The following CACNA1G variants were observed in gnomAD, a reference collection of about 807,000 sequenced individuals.
CACNA1G encodes calcium voltage-gated channel subunit alpha1 G.
Under a neutral mutation model 219.4 loss-of-function variants are expected in CACNA1G, and 67 were observed. The observed-to-expected ratio is 0.31, with a 90% confidence interval of 0.25 to 0.37. The LOEUF (loss-of-function observed/expected upper bound fraction) is 0.37. CACNA1G is among the 10% of genes least tolerant of loss of function. The pLI, the probability that CACNA1G is intolerant of heterozygous loss-of-function variation, is 1.00. For missense variants in CACNA1G, 2,380 were observed against 3,231.4 expected (o/e 0.74, Z 6.39); for synonymous variants, 1,296 against 1,345.3 (o/e 0.96, Z 0.80).
intron 8 of CACNA1G, among the ~76,000 whole-genome samples, chr17:50,576,704 G>A (rs1297146683): frequency 6.6e-6 from 1 of 152,226 alleles, no homozygotes; most frequent in Admixed American, 6.5e-5. Flanking sequence ...TCCCCATTGT[G>A]TGGATGAGAA....
At chr17:50,607,507 AT>A in intron 24 of CACNA1G, 1 of 328,344 alleles carries the variant, frequency 3.0e-6, no homozygotes, top group Non-Finnish European at 5.6e-6. Flanking sequence ...AAAAGAAAAA[AT>A]AATGGTGAGT....
rs554140505 is a variant in CACNA1G at position 50,603,812 on chromosome 17, C to T, written c.4170-343C>T. On this transcript the variant is annotated intron_variant, in intron 21 of 37. Coordinates refer to ENST00000359106, the MANE Select transcript of CACNA1G (RefSeq NM_018896.5). This position sits in a 1 kb window ranked among gnomAD's most constrained non-coding sequence, Gnocchi z 6.4. ...GCCCCTTCCCCTCTCTGCCTGCTCC[C>T]CTACAAGTTTATCTCCTGGTGCCCC... is the stretch of plus-strand genomic sequence containing the variant. Among the ~76,000 whole-genome samples the T allele has an allele frequency of 2.0e-5, 3 of 152,220 alleles. No individual in the cohort carries two copies. The East Asian group carries it at 5.8e-4, about 29-fold the overall frequency.
intron 8 of CACNA1G, among the ~76,000 whole-genome samples, chr17:50,577,447 G>T (rs1468612168): frequency 6.7e-6 from 1 of 149,182 alleles, no homozygotes; most frequent in Non-Finnish European, 1.5e-5. Context: ...GCGCACGAGT[G>T]CATCTAGTAT....
At chr17:50,610,302 T>G (rs1392906349) in intron 26 of CACNA1G, among the ~76,000 whole-genome samples, 2 of 152,240 alleles carry the variant, frequency 1.3e-5, no homozygotes, top group East Asian at 3.9e-4. Context: ...AGGGGAGACT[T>G]TGATCCAAGG....
Position 50,609,815 on chromosome 17 carries a change from C to T in CACNA1G, c.4706-67C>T. 3 of 1,474,842 alleles carry T rather than the reference C, an allele frequency of 2.0e-6. No homozygotes were observed. In the South Asian group the frequency reaches 3.5e-5, roughly 17 times the overall value. The allele number at this position is 1,474,842 out of a possible 1,614,324, so 91.4% of individuals were successfully genotyped here. A position where few individuals can be genotyped will look rare whatever the true frequency, so the allele number is the denominator to read the frequency against. On this transcript the variant is annotated intron_variant, in intron 25 of 37. Coordinates refer to ENST00000359106, the MANE Select transcript of CACNA1G (RefSeq NM_018896.5). ...TGAGGTGGGAGCTGAGGGGAAGCCG[C>T]CCCTGAGGGGCCCTGCCCAGCGCAC...
At position 50,618,927 on chromosome 17, in the gene CACNA1G, C is replaced by T; in HGVS notation, c.5700C>T (p.Ser1900=). Residue 1900 remains serine, a synonymous_variant, in exon 33 of 38, where the codon AGC becomes AGT. Transcript: ENST00000359106. This position sits in a 1 kb window ranked among gnomAD's most constrained non-coding sequence, Gnocchi z 5.3. ...FLWPGVEGPD[S]PDSPKPGALH... ...GGCCTGGGGTCGAGGGCCCCGACAG[C>T]CCCGACAGCCCCAAGCCTGGGGCTC... 1 of 1,602,922 alleles carries T rather than the reference C, an allele frequency of 6.2e-7. No individual in the cohort carries two copies. The highest frequency in any genetic ancestry group is 8.5e-7 in the Non-Finnish European group (1 of 1,173,588).
Position 50,596,571 on chromosome 17 carries a change from A to G in CACNA1G, c.2989A>G (p.Asn997Asp). The change falls in exon 15 of 38, where the codon AAC (asparagine) becomes GAC (aspartate). Residue 997 changes from asparagine to aspartate, a missense_variant. Physicochemically the swap from Asn to Asp is conservative, Grantham distance 23 (BLOSUM62 1). Transcript: ENST00000359106. The surrounding 1 kb of genome is among the most constrained non-coding windows in gnomAD (Gnocchi z 4.8). ...TGCTCCCCTGCCCTAGGGAGATGCC[A>G]ACAAGTCCGAATCAGAGCCCGATTT... ...LPVDSQGGDA[N>D]KSESEPDFFS... The G allele has an allele frequency of 6.2e-7, 1 of 1,613,938 alleles. No homozygotes were observed. Among genetic ancestry groups the G allele is most frequent in the Non-Finnish European group, 8.5e-7 (1 of 1,179,840 alleles).
chr17:50,624,159 G>C (rs2053003746), intron 36 of CACNA1G, 84 bp downstream of exon 36: 15 of 1,507,338 alleles, frequency 1.0e-5, no homozygotes, highest in Middle Eastern at 2.1e-4. Context: ...AGGGGATGGG[G>C]AACTGAGGCA....
chr17:50,587,885 C>T (rs1289653054), intron 9 of CACNA1G, among the ~76,000 whole-genome samples: 3 of 151,968 alleles, frequency 2.0e-5, no homozygotes, highest in East Asian at 1.9e-4. Flanking sequence ...GAGGTGTGCA[C>T]GTGTCCACAA....
At chr17:50,582,347 C>T (rs1201849395) in intron 9 of CACNA1G, among the ~76,000 whole-genome samples, 1 of 152,160 alleles carries the variant, frequency 6.6e-6, no homozygotes, top group Non-Finnish European at 1.5e-5. Flanking sequence ...ACTACATCTT[C>T]ATCCCTGGAA....
intron 36 of CACNA1G, 36 bp from the exon 37 acceptor site, chr17:50,624,324 T>TCCCCCCCCCCCCCCCCCCCCTTC: frequency 8.5e-7 from 1 of 1,177,662 alleles, no homozygotes; most frequent in Non-Finnish European, 1.2e-6. Context: ...CTCCATTCTC[T>TCCCCCCCCCCCCCCCCCCCCTTC]CCCCCCACCC....
At chr17:50,612,487 C>T (rs532676957) in intron 26 of CACNA1G, among the ~76,000 whole-genome samples, 6 of 152,362 alleles carry the variant, frequency 3.9e-5, no homozygotes, top group African/African-American at 7.2e-5. Context: ...CCTGTGGCGT[C>T]GACCTTCACT....
chr17:50,602,211 C>T (rs2046839105), intron 19 of CACNA1G, among the ~76,000 whole-genome samples: 1 of 152,250 alleles, frequency 6.6e-6, no homozygotes, highest in African/African-American at 2.4e-5. Context: ...TGCTCCTCTC[C>T]TTCCCTCCTC....
At chr17:50,602,040 C>T (rs542166312) in intron 19 of CACNA1G, among the ~76,000 whole-genome samples, 4 of 152,300 alleles carry the variant, frequency 2.6e-5, no homozygotes, top group African/African-American at 7.2e-5. Flanking sequence ...ACCTCACACC[C>T]GGAGTCACAG....
At chr17:50,611,123 A>G (rs1172204853) in intron 26 of CACNA1G, among the ~76,000 whole-genome samples, 5 of 151,956 alleles carry the variant, frequency 3.3e-5, no homozygotes, top group East Asian at 3.9e-4. Context: ...GCGTGGTGGC[A>G]TACGCCTGTA....
At chr17:50,564,157 T>TGTG (rs1392566013) in intron 1 of CACNA1G, among the ~76,000 whole-genome samples, 1 of 150,876 alleles carries the variant, frequency 6.6e-6, no homozygotes, top group African/African-American at 2.4e-5. Flanking sequence ...TGTGTGTGTG[T>TGTG]GTGTGTTGCA....
chr17:50,587,987 T>A (rs557211331), intron 9 of CACNA1G, among the ~76,000 whole-genome samples: 3 of 152,150 alleles, frequency 2.0e-5, no homozygotes, highest in Non-Finnish European at 4.4e-5. Context: ...AGTCGGACTT[T>A]TAGAATTCAC....
At position 50,594,498 on chromosome 17, in the gene CACNA1G, G is replaced by A. The variant is rs140887669; in HGVS notation, c.2911-495G>A. Among the ~76,000 whole-genome samples the A allele has an allele frequency of 2.2e-3, 339 of 152,262 alleles. 1 individual carries two copies. Among genetic ancestry groups the A allele is most frequent in the African/African-American group, 7.3e-3 (305 of 41,560 alleles). ...TCCCCAAGCCCACTGCCTCCGAACC[G>A]GTGAGAGGAGAGTGGTGTTCTGAGC... On this transcript the variant is annotated intron_variant, in intron 13 of 37. Coordinates refer to ENST00000359106, the MANE Select transcript of CACNA1G (RefSeq NM_018896.5).
At chr17:50,624,324 T>TGCCCCCCCCCCCCCCC in intron 36 of CACNA1G, 36 bp from the exon 37 acceptor site, 1 of 1,177,660 alleles carries the variant, frequency 8.5e-7, no homozygotes, top group Non-Finnish European at 1.2e-6. Context: ...CTCCATTCTC[T>TGCCCCCCCCCCCCCCC]CCCCCCACCC....
Sources: gnomAD v4.1 joint callset for allele counts (sites outside exome capture counted in the v4.1 genomes callset) on GRCh38, gnomAD v4.1.1 for gene constraint, Gnocchi (gnomAD v3.1) non-coding constraint, MANE v1.5 for transcripts, NCBI Gene and HGNC (gene_info 2026-07-23, HGNC 2026-07-21) for gene names.